REEP1: variants seen among roughly 807,000 people sequenced by gnomAD.
REEP1 encodes receptor accessory protein 1.
Under a neutral mutation model 40.3 loss-of-function variants are expected in REEP1, and 22 were observed. The observed-to-expected ratio is 0.55, with a 90% CI of 0.39 to 0.78. The LOEUF (loss-of-function observed/expected upper bound fraction) is 0.78, where lower values mean the gene tolerates loss of function less well. Among genes scored for constraint, REEP1 ranks in the 30% least tolerant of loss-of-function variants. The pLI, the probability that REEP1 is intolerant of heterozygous loss-of-function variation, is 0.00. For synonymous variants in REEP1, 116 were observed against 139.2 expected (o/e 0.83, Z 1.17); for missense variants, 280 against 361.1 (o/e 0.78, Z 1.82).
At chr2:86,294,748 T>G (rs1469487211) in intron 1 of REEP1, among the ~76,000 whole-genome samples, 1 of 152,072 alleles carries the variant, frequency 6.6e-6, no homozygotes, top group Non-Finnish European at 1.5e-5. Flanking sequence ...GATAGATAGA[T>G]AGATAGATAG....
At chr2:86,221,583 G>A (rs1674429755) in intron 7 of REEP1, among the ~76,000 whole-genome samples, 1 of 152,016 alleles carries the variant, frequency 6.6e-6, no homozygotes, top group Admixed American at 6.5e-5. Flanking sequence ...GACAGTGCTT[G>A]GAGGCTGTGC....
rs1419490962 is a variant in REEP1, at chr2:86,214,932, T to C, written c.*2107A>G. 4 of 149,650 alleles carry C rather than the reference T, an allele frequency of 2.7e-5. No individual in the cohort carries two copies. Among genetic ancestry groups the C allele is most frequent in the Non-Finnish European group, 1.5e-5 (1 of 67,702 alleles). The allele number at this position is 149,650 out of a possible 1,614,324, so 9.3% of individuals were successfully genotyped here. On this transcript the variant is annotated 3_prime_UTR_variant, in exon 9 of 9. Coordinates refer to ENST00000538924, the MANE Select transcript of REEP1 (RefSeq NM_001371279.1). The stretch of plus-strand genomic sequence containing the variant: ...ACTCTCCATTGTAAAATGGCGAAAA[T>C]ATAGGTTGTTCACGATAGGATTTTA...
chr2:86,271,922 T>C lies in REEP1; in HGVS notation c.106-7881A>G, dbSNP rs900271630. On this transcript the variant is annotated intron_variant, in intron 2 of 8. Transcript: ENST00000538924. ...AGAGCAAAAGGACAATGATAACAATTTTAAAAATCCCTCTCCTTGGCCAGG... is the reference window on the plus strand; with the variant it reads ...AGAGCAAAAGGACAATGATAACAATCTTAAAAATCCCTCTCCTTGGCCAGG... 1.5e-4 allele frequency among the ~76,000 whole-genome samples: 23 copies of C among 152,318 alleles called. 1 individual carries two copies. Among genetic ancestry groups the C allele is most frequent in the African/African-American group, 5.5e-4 (23 of 41,568 alleles).
intron 3 of REEP1, among the ~76,000 whole-genome samples, chr2:86,256,603 G>T (rs1237088594): frequency 6.6e-6 from 1 of 151,996 alleles, no homozygotes; most frequent in Non-Finnish European, 1.5e-5. Context: ...TTCCTTTAAT[G>T]TGGAACATGT....
At chr2:86,268,063 A>G (rs1677238352) in intron 2 of REEP1, among the ~76,000 whole-genome samples, 1 of 152,198 alleles carries the variant, frequency 6.6e-6, no homozygotes, top group African/African-American at 2.4e-5. Flanking sequence ...CTGGTGAGAA[A>G]ATAGATGATT....
rs529680567 is a variant in REEP1, at chr2:86,266,346, G to A, written c.106-2305C>T. 2.4e-4 allele frequency among the ~76,000 whole-genome samples: 36 copies of A among 152,356 alleles called. 1 individual carries two copies. Among genetic ancestry groups the A allele is most frequent in the South Asian group, 1.9e-3 (9 of 4,830 alleles). ...AGATGTACTACCAAAAGGGCCGGGC[G>A]CGGTGGCTCACGCCTGTAATCCCAG... On this transcript the variant is annotated intron_variant, in intron 2 of 8. Coordinates refer to ENST00000538924, the MANE Select transcript of REEP1 (RefSeq NM_001371279.1).
intron 2 of REEP1, among the ~76,000 whole-genome samples, chr2:86,276,045 C>T (rs532452927): frequency 2.0e-5 from 3 of 152,320 alleles, no homozygotes; most frequent in East Asian, 1.9e-4. Context: ...CTGTGGATGT[C>T]GGCCAGCCTC....
At chr2:86,328,506 C>T (rs1441903664) in intron 1 of REEP1, among the ~76,000 whole-genome samples, 2 of 152,156 alleles carry the variant, frequency 1.3e-5, no homozygotes, top group Non-Finnish European at 2.9e-5. Context: ...TGGTGAAACC[C>T]CGTCTCTACT....
At chr2:86,296,852 C>T (rs964139016) in intron 1 of REEP1, among the ~76,000 whole-genome samples, 1 of 151,990 alleles carries the variant, frequency 6.6e-6, no homozygotes, top group Non-Finnish European at 1.5e-5. Context: ...AGTGAAACTC[C>T]GTCTCAAAAA....
intron 1 of REEP1, among the ~76,000 whole-genome samples, chr2:86,288,354 C>T (rs540574205): frequency 2.0e-5 from 3 of 152,264 alleles, no homozygotes; most frequent in African/African-American, 7.2e-5. Flanking sequence ...CACAGGGTCT[C>T]GCTACATTGC....
At chr2:86,229,598 CTT>C (rs70956106) in intron 6 of REEP1, among the ~76,000 whole-genome samples, 1 of 114,442 alleles carries the variant, frequency 8.7e-6, no homozygotes, top group African/African-American at 3.1e-5. Flanking sequence ...ACCTGTCTTC[CTT>C]TTTTTTTTTT....
chr2:86,337,215 C>G lies in REEP1; in HGVS notation c.32+264G>C, dbSNP rs1473026113. ...GCGGCGAGACGCAGCCCCCACGGAACCCCCGAGCGCCCCAGCCCTCGCCGT... is the reference window on the plus strand; with the variant it reads ...GCGGCGAGACGCAGCCCCCACGGAAGCCCCGAGCGCCCCAGCCCTCGCCGT... On this transcript the variant is annotated intron_variant, in intron 1 of 8. Coordinates refer to ENST00000538924, the MANE Select transcript of REEP1 (RefSeq NM_001371279.1). This position sits in a 1 kb window ranked among gnomAD's most constrained non-coding sequence, Gnocchi z 5.8. 4.8e-6 allele frequency: 1 copy of G among 210,162 alleles called. No individual in the cohort carries two copies. The highest frequency in any genetic ancestry group is 5.9e-5 in the Admixed American group (1 of 16,972). The allele number at this position is 210,162 out of a possible 1,614,324, so 13.0% of individuals were successfully genotyped here.
intron 1 of REEP1, among the ~76,000 whole-genome samples, chr2:86,304,729 C>G (rs1679406861): frequency 6.6e-6 from 1 of 152,238 alleles, no homozygotes; most frequent in Non-Finnish European, 1.5e-5. Flanking sequence ...ACCTTCACCC[C>G]CACCCCTGGG....
intron 1 of REEP1, among the ~76,000 whole-genome samples, chr2:86,299,007 T>C (rs1168444447): frequency 6.6e-6 from 1 of 152,192 alleles, no homozygotes; most frequent in Non-Finnish European, 1.5e-5. Flanking sequence ...AGCTGGGATG[T>C]TAAGAACTGA....
In REEP1 at chr2:86,258,465, C is replaced by T. The variant is rs527589885; in HGVS notation, c.183-3651G>A. 8.9e-4 allele frequency among the ~76,000 whole-genome samples: 135 copies of T among 152,302 alleles called. 1 individual carries two copies. Among genetic ancestry groups the T allele is most frequent in the African/African-American group, 3.0e-3 (124 of 41,568 alleles). ...TTTACAAAAAAAAGTATGCTGACTC[C>T]GGATTTAAAGCCAGGCCCTCCCCAC... On this transcript the variant is annotated intron_variant, in intron 3 of 8. Transcript: ENST00000538924.
chr2:86,258,280 C>A (rs944931432), intron 3 of REEP1, among the ~76,000 whole-genome samples: 7 of 152,314 alleles, frequency 4.6e-5, no homozygotes, highest in Middle Eastern at 6.8e-3. Context: ...TGGGCCAAAT[C>A]CAGCTTGTCA....
chr2:86,316,481 G>A (rs1680014277), intron 1 of REEP1, among the ~76,000 whole-genome samples: 2 of 148,956 alleles, frequency 1.3e-5, no homozygotes, highest in Non-Finnish European at 1.5e-5. Context: ...CTGGCAGGCA[G>A]AGGTTGCAGT....
chr2:86,258,994 A>G (rs114216001), intron 3 of REEP1, among the ~76,000 whole-genome samples: 2,448 of 152,310 alleles, frequency 0.016, 55 homozygotes, highest in African/African-American at 0.053. Context: ...AGAAAAGAAA[A>G]CACAAGTAAC....
At chr2:86,253,842 T>C (rs1676409597) in intron 4 of REEP1, among the ~76,000 whole-genome samples, 1 of 152,198 alleles carries the variant, frequency 6.6e-6, no homozygotes. Flanking sequence ...CCTATAATGC[T>C]CCTATTTTAG....
Sources: allele counts gnomAD v4.1 joint callset (sites outside exome capture counted in the v4.1 genomes callset), GRCh38; gene constraint gnomAD v4.1.1; non-coding constraint Gnocchi (gnomAD v3.1); transcripts MANE v1.5; gene names NCBI Gene and HGNC (gene_info 2026-07-23, HGNC 2026-07-21).